The following ZFYVE9 variants were observed in gnomAD, a reference collection of about 807,000 sequenced individuals.
ZFYVE9 encodes zinc finger FYVE domain-containing protein 9.
In ZFYVE9, 43 loss-of-function variants were observed where a neutral mutation model predicts 126.7. The observed-to-expected ratio is 0.34, with a 90% CI of 0.27 to 0.44. The LOEUF (loss-of-function observed/expected upper bound fraction) is 0.44, where lower values mean the gene tolerates loss of function less well. Among genes scored for constraint, ZFYVE9 ranks in the 20% least tolerant of loss-of-function variants. The probability of loss-of-function intolerance (pLI) is 1.00; values close to 1 mark genes in which losing one functional copy is unlikely to be tolerated. For missense variants in ZFYVE9, 1,476 were observed against 1,697.0 expected, an observed-to-expected ratio of 0.87 and a Z score of 2.29; for synonymous variants, 521 against 597.4, an observed-to-expected ratio of 0.87 and a Z score of 1.87.
intron 2 of ZFYVE9, 59 bp downstream of exon 2, chr1:52,216,533 A>G (rs1396873463): frequency 5.0e-6 from 2 of 398,128 alleles, no homozygotes; most frequent in Admixed American, 8.8e-5. Flanking sequence ...TGAGATCTAT[A>G]GAAGATAATG....
intron 15 of ZFYVE9, 23 bp from the exon 16 acceptor site, chr1:52,337,749 T>C (rs932989326): frequency 6.2e-7 from 1 of 1,604,352 alleles, no homozygotes; most frequent in African/African-American, 1.3e-5. Context: ...TTGCCTCTCC[T>C]TTGGCTTTGT....
intron 2 of ZFYVE9, among the ~76,000 whole-genome samples, chr1:52,219,726 A>G (rs1036872482): frequency 2.0e-5 from 3 of 150,648 alleles, no homozygotes; most frequent in Non-Finnish European, 4.4e-5. Context: ...GGCAGCCCAT[A>G]GAGCATTTCA....
At chr1:52,181,611 C>T (rs1411619705) in intron 1 of ZFYVE9, among the ~76,000 whole-genome samples, 7 of 148,564 alleles carry the variant, frequency 4.7e-5, no homozygotes, top group East Asian at 4.0e-4. Context: ...CGTCTCTGCC[C>T]GCCCGCCATC....
At chr1:52,283,717 G>T (rs1446801238) in intron 10 of ZFYVE9, among the ~76,000 whole-genome samples, 1 of 152,182 alleles carries the variant, frequency 6.6e-6, no homozygotes, top group Admixed American at 6.5e-5. Flanking sequence ...GGGTGCAGGT[G>T]CTAGAACTGA....
chr1:52,277,276 G>C (rs1432460660), intron 8 of ZFYVE9, among the ~76,000 whole-genome samples: 1 of 151,830 alleles, frequency 6.6e-6, no homozygotes, highest in Non-Finnish European at 1.5e-5. Flanking sequence ...TTAGGGTTCA[G>C]ATTTTTATTT....
At chr1:52,344,288 C>T (rs753920586) in intron 17 of ZFYVE9, among the ~76,000 whole-genome samples, 3 of 152,220 alleles carry the variant, frequency 2.0e-5, no homozygotes, top group African/African-American at 4.8e-5. Flanking sequence ...CTCAGCCTGG[C>T]TCTTCCTCTG....
intron 1 of ZFYVE9, among the ~76,000 whole-genome samples, chr1:52,170,598 T>C (rs962100074): frequency 2.0e-5 from 3 of 152,202 alleles, no homozygotes; most frequent in Non-Finnish European, 2.9e-5. Flanking sequence ...TTTTTCTTTT[T>C]TGATGTAGGC....
At chr1:52,208,570 T>TGGCCTGGCGCGATCTC (rs1029714930) in intron 1 of ZFYVE9, among the ~76,000 whole-genome samples, 13 of 151,870 alleles carry the variant, frequency 8.6e-5, no homozygotes, top group African/African-American at 2.7e-4. Flanking sequence ...GGCGTGATCT[T>TGGCCTGGCGCGATCTC]GGCCTGGCGC....
chr1:52,330,440 C>T (rs538602247), intron 13 of ZFYVE9, among the ~76,000 whole-genome samples: 33 of 152,234 alleles, frequency 2.2e-4, no homozygotes, highest in South Asian at 4.1e-4. Flanking sequence ...AGTATAGTTA[C>T]GGTATTTCCT....
At chr1:52,311,720 T>C (rs961144564) in intron 13 of ZFYVE9, among the ~76,000 whole-genome samples, 1 of 152,208 alleles carries the variant, frequency 6.6e-6, no homozygotes, top group Non-Finnish European at 1.5e-5. Context: ...TGTACATAAA[T>C]TGTATGCTAT....
At chr1:52,173,243 G>A (rs1025698253) in intron 1 of ZFYVE9, among the ~76,000 whole-genome samples, 8 of 152,122 alleles carry the variant, frequency 5.3e-5, no homozygotes, top group African/African-American at 1.9e-4. Context: ...GGCTTTTTCT[G>A]CATCTACTGA....
chr1:52,299,234 A>G (rs979187070), intron 12 of ZFYVE9, among the ~76,000 whole-genome samples: 2 of 152,104 alleles, frequency 1.3e-5, no homozygotes, highest in South Asian at 2.1e-4. Context: ...TTATTAGCGT[A>G]TAGAAACACT....
chr1:52,251,120 G>A (rs767245382), intron 4 of ZFYVE9, among the ~76,000 whole-genome samples: 4 of 151,874 alleles, frequency 2.6e-5, no homozygotes, highest in Non-Finnish European at 5.9e-5. Context: ...CACCCAGGCT[G>A]GAGTGCAGTG....
chr1:52,143,881 C>G (rs1382562104), intron 1 of ZFYVE9, among the ~76,000 whole-genome samples: 3 of 152,254 alleles, frequency 2.0e-5, no homozygotes, highest in Non-Finnish European at 2.9e-5. Context: ...GATGCTGTAG[C>G]CTTGCATTGT....
At chr1:52,303,694 CTTA>C (rs1433415958) in intron 12 of ZFYVE9, 124 bp from the exon 13 acceptor site, 2 of 521,054 alleles carry the variant, frequency 3.8e-6, no homozygotes, top group Non-Finnish European at 6.3e-6. Context: ...TATACATTTC[CTTA>C]TTATTTAAAT....
At chr1:52,301,877 T>C (rs537537490) in intron 12 of ZFYVE9, among the ~76,000 whole-genome samples, 7 of 152,310 alleles carry the variant, frequency 4.6e-5, no homozygotes, top group African/African-American at 1.4e-4. Context: ...TTGTCTCTTG[T>C]TTTCATTTAG....
At chr1:52,175,314 A>T (rs1428261676) in intron 1 of ZFYVE9, among the ~76,000 whole-genome samples, 1 of 150,376 alleles carries the variant, frequency 6.6e-6, no homozygotes, top group African/African-American at 2.5e-5. Context: ...CTTTTCTTTA[A>T]GAATGTTGAA....
At chr1:52,300,205 T>C (rs12406697) in intron 12 of ZFYVE9, among the ~76,000 whole-genome samples, 5,931 of 152,264 alleles carry the variant, frequency 0.039, 158 homozygotes, top group South Asian at 0.076. Context: ...ATTGTTGTTT[T>C]GGTCCCTTTT....
intron 1 of ZFYVE9, chr1:52,150,432 AGATAGAT>A (rs761464301): frequency 3.3e-5 from 5 of 151,930 alleles, no homozygotes; most frequent in African/African-American, 9.7e-5. Context: ...ATAGATAGAT[AGATAGAT>A]GATAGATGAT....
Sources: allele counts gnomAD v4.1 joint callset (sites outside exome capture counted in the v4.1 genomes callset), GRCh38; gene constraint gnomAD v4.1.1; transcripts MANE v1.5; gene names NCBI Gene and HGNC (gene_info 2026-07-23, HGNC 2026-07-21).